WDR37: variants seen among roughly 807,000 people sequenced by gnomAD.
The protein encoded by WDR37 is WD repeat domain 37.
WDR37 carries 19 observed loss-of-function variants against 62.9 expected under a neutral mutation model. That is an observed-to-expected ratio of 0.30 (90% CI 0.21 to 0.44). WDR37 has a LOEUF of 0.44. Ranked by LOEUF, WDR37 falls within the 20% of genes least tolerant of loss-of-function variation. The probability of loss-of-function intolerance (pLI) is 1.00; values close to 1 mark genes in which losing one functional copy is unlikely to be tolerated. For missense variants in WDR37, 474 were observed against 657.6 expected (o/e 0.72, Z 3.05); for synonymous variants, 250 against 260.9 (o/e 0.96, Z 0.40).
intron 2 of WDR37, 79 bp downstream of exon 2, chr10:1,072,372 C>T (rs554248716): frequency 1.5e-5 from 23 of 1,559,230 alleles, no homozygotes; most frequent in Middle Eastern, 1.9e-4. Context: ...GGCTGGAGTG[C>T]GATGGTGCGA....
intron 11 of WDR37, among the ~76,000 whole-genome samples, chr10:1,112,178 T>C (rs1049252977): frequency 3.3e-5 from 5 of 152,220 alleles, no homozygotes; most frequent in African/African-American, 9.6e-5. Context: ...CAACAGCACG[T>C]GCTCACTTCC....
At chr10:1,091,943 G>A (rs887525741) in intron 7 of WDR37, among the ~76,000 whole-genome samples, 12 of 152,026 alleles carry the variant, frequency 7.9e-5, no homozygotes, top group African/African-American at 2.2e-4. Context: ...CACTTTGGGA[G>A]GCCGAGACGG....
chr10:1,069,389 A>ATATATATATATATTTTTT, intron 1 of WDR37, among the ~76,000 whole-genome samples: 8 of 95,806 alleles, frequency 8.4e-5, no homozygotes, highest in Admixed American at 1.2e-4. Context: ...ATATATATAT[A>ATATATATATATATTTTTT]TTTTTTTTTT....
At chr10:1,119,652 C>G (rs1445468857) in intron 11 of WDR37, among the ~76,000 whole-genome samples, 1 of 152,216 alleles carries the variant, frequency 6.6e-6, no homozygotes, top group African/African-American at 2.4e-5. Context: ...GTGCGCCTAA[C>G]ACTGCTGACC....
chr10:1,105,161 C>T lies in WDR37; in HGVS notation c.997C>T (p.Pro333Ser). ...GGAGTTGACGCACTGCTGCACACAC[C>T]CCACCCAGCGGCTCGTGGTGACCTC... Reference protein sequence around the residue: ...DQELTHCCTHPTQRLVVTSSR... With the variant: ...DQELTHCCTHSTQRLVVTSSR... The change falls in exon 11 of 14, where the codon CCC (proline) becomes TCC (serine). Residue 333 changes from proline (P) to serine (S), a missense_variant. Transcript: ENST00000263150. The surrounding 1 kb of genome is among the most constrained non-coding windows in gnomAD (Gnocchi z 5.3). 1 of 1,614,124 alleles carries T rather than the reference C, an allele frequency of 6.2e-7. No individual in the cohort carries two copies. Among genetic ancestry groups the T allele is most frequent in the Non-Finnish European group, 8.5e-7 (1 of 1,180,014 alleles).
intron 9 of WDR37, among the ~76,000 whole-genome samples, chr10:1,099,163 G>A (rs1454792801): frequency 6.6e-6 from 1 of 152,220 alleles, no homozygotes; most frequent in Admixed American, 6.5e-5. Context: ...GCTCTCTGCA[G>A]TAGCCCAGTG....
chr10:1,107,139 G>T lies in WDR37; in HGVS notation c.1103+1872G>T, dbSNP rs538552166. ...AGCTCCGCCACATGGGCCTGACCCC[G>T]CTGCAGGCCAGCTCATTGGTGAGGA... On this transcript the variant is annotated intron_variant, in intron 11 of 13. Transcript: ENST00000263150. Among the ~76,000 whole-genome samples, 108 of 152,366 alleles carry T rather than the reference G, an allele frequency of 7.1e-4. 2 individuals carry two copies. Among genetic ancestry groups the T allele is most frequent in the South Asian group, 3.5e-3 (17 of 4,830 alleles).
intron 11 of WDR37, among the ~76,000 whole-genome samples, chr10:1,117,807 C>T (rs1379603276): frequency 2.0e-5 from 3 of 152,210 alleles, no homozygotes; most frequent in Admixed American, 6.5e-5. Context: ...AGCCAGGGCC[C>T]GGGTGGCATG....
intron 1 of WDR37, among the ~76,000 whole-genome samples, chr10:1,066,382 C>T (rs952076664): frequency 9.2e-5 from 14 of 152,206 alleles, no homozygotes; most frequent in African/African-American, 3.4e-4. Context: ...TCCCAAAGTG[C>T]TGGGATTATA....
At position 1,087,664 on chromosome 10, in the gene WDR37, C is replaced by T. The variant is rs551982712; in HGVS notation, c.604+1307C>T. Reference sequence around the variant, plus strand: ...GTCAACAATGCTGTCATCAGATGTACTGTCATCCATGCTTTGTTGTTCCAT... The same window carrying T: ...GTCAACAATGCTGTCATCAGATGTATTGTCATCCATGCTTTGTTGTTCCAT... On this transcript the variant is annotated intron_variant, in intron 7 of 13. Coordinates refer to ENST00000263150, the MANE Select transcript of WDR37 (RefSeq NM_014023.4). 3.3e-5 allele frequency among the ~76,000 whole-genome samples: 5 copies of T among 152,344 alleles called. No homozygotes were observed. In the South Asian group the frequency reaches 8.3e-4, roughly 25 times the overall value.
chr10:1,083,513 T>G (rs1834095800), intron 5 of WDR37, among the ~76,000 whole-genome samples: 1 of 152,242 alleles, frequency 6.6e-6, no homozygotes, highest in African/African-American at 2.4e-5. Flanking sequence ...CTTCACTTAG[T>G]TTTTTTGTTT....
Position 1,103,574 on chromosome 10 carries a change from T to C in WDR37, c.727-28T>C. ...ACTCAAGATTTCCAGGAAATGTCTT[T>C]CTTTTCTGGCCTTCCCTTTGGCAGC... On this transcript the variant is annotated intron_variant, in intron 9 of 13. Transcript: ENST00000263150. The surrounding 1 kb of genome is among the most constrained non-coding windows in gnomAD (Gnocchi z 6.3). 1 of 1,606,308 alleles carries C rather than the reference T, an allele frequency of 6.2e-7. No homozygotes were observed. The highest frequency in any genetic ancestry group is 8.5e-7 in the Non-Finnish European group (1 of 1,173,916).
chr10:1,109,131 CATG>C (rs1216433162), intron 11 of WDR37, among the ~76,000 whole-genome samples: 2 of 152,130 alleles, frequency 1.3e-5, no homozygotes, highest in Non-Finnish European at 2.9e-5. Flanking sequence ...GAAACTGAGG[CATG>C]AGGAGGCCAG....
At chr10:1,113,656 A>T (rs1046348576) in intron 11 of WDR37, among the ~76,000 whole-genome samples, 3 of 152,224 alleles carry the variant, frequency 2.0e-5, no homozygotes, top group Admixed American at 6.5e-5. Context: ...CAATGGAGAA[A>T]GTCACTGCAG....
chr10:1,073,990 TG>T (rs1197722561), intron 2 of WDR37, among the ~76,000 whole-genome samples: 1 of 152,116 alleles, frequency 6.6e-6, no homozygotes, highest in East Asian at 1.9e-4. Flanking sequence ...ACTCCTGTGG[TG>T]GGGGCAGTGT....
intron 13 of WDR37, among the ~76,000 whole-genome samples, chr10:1,125,795 G>A (rs1006725206): frequency 6.6e-6 from 1 of 152,200 alleles, no homozygotes; most frequent in East Asian, 1.9e-4. Flanking sequence ...AGGCTGTTGC[G>A]ACAGGAAGAA....
chr10:1,064,756 C>A (rs1833488839), intron 1 of WDR37, among the ~76,000 whole-genome samples: 2 of 151,900 alleles, frequency 1.3e-5, no homozygotes, highest in African/African-American at 4.8e-5. Context: ...TCACGCCTGG[C>A]TAGTTTTGTA....
intron 11 of WDR37, 130 bp from the exon 12 acceptor site, chr10:1,124,088 G>C: frequency 8.0e-7 from 1 of 1,256,824 alleles, no homozygotes; most frequent in Non-Finnish European, 1.1e-6. Flanking sequence ...GGAGCAGTTT[G>C]CAGAGGAGAG....
intron 6 of WDR37, 127 bp downstream of exon 6, chr10:1,084,665 A>G: frequency 7.5e-7 from 1 of 1,337,726 alleles, no homozygotes; most frequent in Non-Finnish European, 1.0e-6. Context: ...AGTCAGTGGA[A>G]CCCCCCACAC....
Sources: allele counts gnomAD v4.1 joint callset (sites outside exome capture counted in the v4.1 genomes callset), GRCh38; gene constraint gnomAD v4.1.1; non-coding constraint Gnocchi (gnomAD v3.1); transcripts MANE v1.5; gene names NCBI Gene and HGNC (gene_info 2026-07-23, HGNC 2026-07-21).